LUZP2: variants seen among roughly 807,000 people sequenced by gnomAD.
LUZP2 encodes the protein leucine zipper protein 2.
A neutral mutation model predicts 51.6 loss-of-function variants in LUZP2; 52 were observed. The ratio of observed to expected loss-of-function variants is 1.01; its 90% CI spans 0.81 to 1.27. The LOEUF is 1.27. Ranked by LOEUF, LUZP2 falls within the 50% of genes most tolerant of loss-of-function variation. The pLI is 0.00. For synonymous variants in LUZP2, 154 were observed against 137.3 expected, an observed-to-expected ratio of 1.12 and a Z score of -0.85; for missense variants, 436 against 395.4, an observed-to-expected ratio of 1.10 and a Z score of -0.87.
intron 9 of LUZP2, among the ~76,000 whole-genome samples, chr11:25,003,399 G>T (rs560288181): frequency 1.3e-5 from 2 of 152,286 alleles, no homozygotes; most frequent in South Asian, 4.1e-4. Flanking sequence ...AGGCATCCTT[G>T]AGGTCCAGAA....
intron 7 of LUZP2, among the ~76,000 whole-genome samples, chr11:24,950,692 C>A (rs1014761889): frequency 3.3e-5 from 5 of 151,454 alleles, no homozygotes; most frequent in African/African-American, 4.8e-5. Flanking sequence ...CCGATAATTA[C>A]CCCAAAGAAA....
intron 9 of LUZP2, among the ~76,000 whole-genome samples, chr11:25,014,281 A>G (rs372466754): frequency 3.3e-5 from 5 of 152,138 alleles, no homozygotes; most frequent in African/African-American, 1.2e-4. Context: ...GGGATGGCTG[A>G]GTCAAATGCT....
chr11:24,581,128 G>A (rs920980987), intron 1 of LUZP2, among the ~76,000 whole-genome samples: 9 of 146,804 alleles, frequency 6.1e-5, no homozygotes, highest in African/African-American at 2.3e-4. Flanking sequence ...AGAAAGCCTA[G>A]CACCATTAAA....
intron 3 of LUZP2, 60 bp from the exon 4 acceptor site, chr11:24,738,161 C>A: frequency 3.4e-6 from 4 of 1,190,788 alleles, no homozygotes; most frequent in South Asian, 2.7e-5. Context: ...TTATAATGTT[C>A]ATAGGAAATA....
chr11:24,825,493 T>G (rs1850498131), intron 5 of LUZP2, among the ~76,000 whole-genome samples: 3 of 152,176 alleles, frequency 2.0e-5, no homozygotes, highest in Admixed American at 1.3e-4. Context: ...TTGTACACAA[T>G]GATCTTTTTA....
intron 5 of LUZP2, among the ~76,000 whole-genome samples, chr11:24,896,278 A>C (rs1315324283): frequency 1.3e-5 from 2 of 151,626 alleles, no homozygotes; most frequent in Non-Finnish European, 2.9e-5. Flanking sequence ...GCTTGCAGGG[A>C]GGTGTGGAGG....
At chr11:24,909,703 C>A (rs1853567334) in intron 6 of LUZP2, among the ~76,000 whole-genome samples, 2 of 152,138 alleles carry the variant, frequency 1.3e-5, no homozygotes, top group African/African-American at 2.4e-5. Context: ...TCTTAGAGGG[C>A]CTCCCCAGCC....
intron 2 of LUZP2, among the ~76,000 whole-genome samples, chr11:24,730,151 G>C (rs898927511): frequency 2.0e-5 from 3 of 151,694 alleles, no homozygotes; most frequent in African/African-American, 4.8e-5. Flanking sequence ...GGTGGTGGTG[G>C]TGGTGGTGGT....
chr11:24,758,166 G>C (rs191159967), intron 4 of LUZP2, among the ~76,000 whole-genome samples: 55 of 152,082 alleles, frequency 3.6e-4, no homozygotes, highest in African/African-American at 1.3e-3. Flanking sequence ...ACAAATCTAA[G>C]AGTATATTAA....
intron 1 of LUZP2, among the ~76,000 whole-genome samples, chr11:24,591,925 A>G (rs1853275118): frequency 6.6e-6 from 1 of 152,208 alleles, no homozygotes; most frequent in Admixed American, 6.5e-5. Flanking sequence ...CCTTTAATTA[A>G]AAACAAATGC....
At chr11:24,500,182 A>G (rs1459106058) in intron 1 of LUZP2, among the ~76,000 whole-genome samples, 1 of 152,182 alleles carries the variant, frequency 6.6e-6, no homozygotes, top group Non-Finnish European at 1.5e-5. Context: ...TAAATGTTCA[A>G]TTTACACAAA....
At chr11:24,917,854 T>C (rs2133807464) in intron 7 of LUZP2, among the ~76,000 whole-genome samples, 1 of 152,300 alleles carries the variant, frequency 6.6e-6, no homozygotes, top group Admixed American at 6.5e-5. Flanking sequence ...TAAAGTAGTT[T>C]TTTCCAATTC....
chr11:24,946,532 T>A (rs1299518101), intron 7 of LUZP2, among the ~76,000 whole-genome samples: 1 of 151,924 alleles, frequency 6.6e-6, no homozygotes, highest in Non-Finnish European at 1.5e-5. Context: ...GCTTATAATA[T>A]ACTTCTTAAA....
At chr11:25,024,574 G>A (rs925959567) in intron 9 of LUZP2, among the ~76,000 whole-genome samples, 25 of 152,004 alleles carry the variant, frequency 1.6e-4, no homozygotes, top group Admixed American at 1.0e-3. Flanking sequence ...AAAATACCTA[G>A]GAATCCAACT....
At chr11:24,774,362 C>CTCTCTCTCTCTCTATA (rs776739280) in intron 5 of LUZP2, among the ~76,000 whole-genome samples, 162 of 76,312 alleles carry the variant, frequency 2.1e-3, no homozygotes, top group East Asian at 5.8e-3. Flanking sequence ...CTCTCTCTCT[C>CTCTCTCTCTCTCTATA]TATATATATA....
chr11:24,569,182 TA>T (rs1852343949), intron 1 of LUZP2, among the ~76,000 whole-genome samples: 2 of 152,056 alleles, frequency 1.3e-5, no homozygotes, highest in South Asian at 4.1e-4. Flanking sequence ...TGATTAAGGT[TA>T]AATGCAAAAA....
intron 1 of LUZP2, among the ~76,000 whole-genome samples, chr11:24,587,578 A>G (rs1323842732): frequency 6.6e-6 from 1 of 152,116 alleles, no homozygotes; most frequent in Non-Finnish European, 1.5e-5. Context: ...CAGTTTCATG[A>G]AGCTAGCTGT....
chr11:24,985,800 A>T lies in LUZP2; in HGVS notation c.765+2507A>T, dbSNP rs985887010. 4.0e-5 allele frequency among the ~76,000 whole-genome samples: 6 copies of T among 151,832 alleles called. No individual in the cohort carries two copies. The South Asian group carries it at 8.3e-4, about 21-fold the overall frequency. On this transcript the variant is annotated intron_variant, in intron 9 of 11. Coordinates refer to ENST00000336930, the MANE Select transcript of LUZP2 (RefSeq NM_001009909.4). Reference sequence around the variant, plus strand: ...GCCCGTATCCAGTAGATGATTATGTATTTAAATCTGGAACTGAGGGAAGAC... The same window carrying T: ...GCCCGTATCCAGTAGATGATTATGTTTTTAAATCTGGAACTGAGGGAAGAC...
chr11:24,600,724 G>A (rs912087431), intron 1 of LUZP2, among the ~76,000 whole-genome samples: 1 of 152,042 alleles, frequency 6.6e-6, no homozygotes, highest in African/African-American at 2.4e-5. Flanking sequence ...GCTTTATCTA[G>A]GCCTAAGGAA....
Sources: gnomAD v4.1 joint callset for allele counts (sites outside exome capture counted in the v4.1 genomes callset) on GRCh38, gnomAD v4.1.1 for gene constraint, MANE v1.5 for transcripts, NCBI Gene and HGNC (gene_info 2026-07-23, HGNC 2026-07-21) for gene names.